UBE2D3: variants seen among roughly 807,000 people sequenced by gnomAD.
UBE2D3 encodes ubiquitin conjugating enzyme E2 D3.
UBE2D3 carries 2 observed loss-of-function variants against 22.8 expected under a neutral mutation model. That is an observed-to-expected ratio of 0.09 (90% CI 0.04 to 0.28). The LOEUF (loss-of-function observed/expected upper bound fraction) is 0.28, where lower values mean the gene tolerates loss of function less well. Ranked by LOEUF, UBE2D3 falls within the 10% of genes least tolerant of loss-of-function variation. UBE2D3 has a pLI of 1.00. For missense variants in UBE2D3, 27 were observed against 182.5 expected, an observed-to-expected ratio of 0.15 and a Z score of 4.91; for synonymous variants, 56 against 60.4, an observed-to-expected ratio of 0.93 and a Z score of 0.34.
chr4:102,851,366 T>C (rs1732337910), intron 1 of UBE2D3, among the ~76,000 whole-genome samples: 1 of 152,202 alleles, frequency 6.6e-6, no homozygotes, highest in South Asian at 2.1e-4. Flanking sequence ...CACTATGTTA[T>C]AAATCTGGGA....
chr4:102,834,982 C>G (rs1309764064), intron 1 of UBE2D3, among the ~76,000 whole-genome samples: 1 of 152,086 alleles, frequency 6.6e-6, no homozygotes, highest in Non-Finnish European at 1.5e-5. Context: ...TTCCCCTTTT[C>G]CATCCATCTC....
chr4:102,802,106 AAAGTG>A, intron 5 of UBE2D3: 1 of 154,606 alleles, frequency 6.5e-6, no homozygotes, highest in African/African-American at 2.4e-5. Context: ...TAATGACTGA[AAAGTG>A]AAGGATAATA....
At chr4:102,837,516 A>AT (rs777065470) in intron 1 of UBE2D3, among the ~76,000 whole-genome samples, 1 of 152,326 alleles carries the variant, frequency 6.6e-6, no homozygotes, top group East Asian at 1.9e-4. Context: ...GCAATAAAGT[A>AT]TTTTTTAATT....
rs1245444276 is a variant in UBE2D3, at chr4:102,825,218, A to G, written c.24+1267T>C. 10 of 985,234 alleles carry G rather than the reference A, an allele frequency of 1.0e-5. No homozygotes were observed. In the East Asian group the frequency reaches 1.0e-3, roughly 100 times the overall value. The allele number at this position is 985,234 out of a possible 1,614,324, so 61.0% of individuals were successfully genotyped here. On this transcript the variant is annotated intron_variant, in intron 2 of 7. Coordinates refer to ENST00000453744, the MANE Select transcript of UBE2D3 (RefSeq NM_181891.3). ...CTTTTTAAAAAAGTAATCTATTAAAACCAAAGTTTCTAACACTCACCGACA... is the reference window on the plus strand; with the variant it reads ...CTTTTTAAAAAAGTAATCTATTAAAGCCAAAGTTTCTAACACTCACCGACA...
intron 1 of UBE2D3, among the ~76,000 whole-genome samples, chr4:102,853,135 A>ATTTTTTTTTTTTT (rs151339235): frequency 3.4e-5 from 3 of 88,596 alleles, no homozygotes; most frequent in Admixed American, 1.5e-4. Context: ...AAACACACAC[A>ATTTTTTTTTTTTT]TTTTTTTTTT....
chr4:102,817,103 T>C (rs1208554005), intron 2 of UBE2D3, among the ~76,000 whole-genome samples: 1 of 152,080 alleles, frequency 6.6e-6, no homozygotes, highest in Non-Finnish European at 1.5e-5. Context: ...GCATTCTAGG[T>C]AGAGAAACTC....
chr4:102,866,606 T>C (rs1331349501), intron 1 of UBE2D3, among the ~76,000 whole-genome samples: 4 of 152,164 alleles, frequency 2.6e-5, no homozygotes, highest in African/African-American at 9.7e-5. Context: ...TGCTTGGAGG[T>C]CTTATTCTTA....
rs77128941 is a variant in UBE2D3, at chr4:102,806,156, T to G, written c.120+3516A>C. Among the ~76,000 whole-genome samples, 523 of 152,298 alleles carry G rather than the reference T, an allele frequency of 3.4e-3. 2 individuals are homozygous for G. Among genetic ancestry groups the G allele is most frequent in the African/African-American group, 0.01 (417 of 41,558 alleles). ...TTTTAAGATAATTCCAACTCCTAAG[T>G]ACATACGGTGCTTTATGATCTGGGT... On this transcript the variant is annotated intron_variant, in intron 4 of 7. Transcript: ENST00000453744.
intron 1 of UBE2D3, among the ~76,000 whole-genome samples, chr4:102,860,840 T>C (rs529869043): frequency 6.6e-6 from 1 of 151,956 alleles, no homozygotes; most frequent in African/African-American, 2.4e-5. Context: ...GGTGGGTGCA[T>C]GGAGTGCTGG....
chr4:102,821,774 ACAC>A (rs1400647498), intron 2 of UBE2D3, among the ~76,000 whole-genome samples: 1 of 152,230 alleles, frequency 6.6e-6, no homozygotes, highest in East Asian at 1.9e-4. Flanking sequence ...ATAAATATAT[ACAC>A]CAACTATGTA....
chr4:102,847,264 T>A (rs1732084545), intron 1 of UBE2D3, among the ~76,000 whole-genome samples: 1 of 152,156 alleles, frequency 6.6e-6, no homozygotes, highest in African/African-American at 2.4e-5. Context: ...AATAGAGTTC[T>A]CATGCTCCAC....
At chr4:102,863,422 C>T (rs1441405065) in intron 1 of UBE2D3, among the ~76,000 whole-genome samples, 1 of 152,094 alleles carries the variant, frequency 6.6e-6, no homozygotes, top group Non-Finnish European at 1.5e-5. Context: ...AGGACTATAC[C>T]AAACCATTCA....
At chr4:102,823,970 T>C (rs1730039412) in intron 2 of UBE2D3, among the ~76,000 whole-genome samples, 1 of 152,232 alleles carries the variant, frequency 6.6e-6, no homozygotes, top group African/African-American at 2.4e-5. Context: ...CTGACATCAA[T>C]GGCTACTTGA....
At chr4:102,825,261 T>A in intron 2 of UBE2D3, 1 of 986,306 alleles carries the variant, frequency 1.0e-6, no homozygotes, top group Non-Finnish European at 1.2e-6. Context: ...ATTTTTCTAG[T>A]AAGGCTGAAT....
chr4:102,813,703 T>A (rs565614752), intron 2 of UBE2D3, among the ~76,000 whole-genome samples: 7 of 152,172 alleles, frequency 4.6e-5, no homozygotes, highest in Non-Finnish European at 8.8e-5. Flanking sequence ...AACACTGGAC[T>A]AATTTAACGC....
intron 2 of UBE2D3, chr4:102,811,956 G>C (rs1728113209): frequency 4.8e-6 from 1 of 210,412 alleles, no homozygotes; most frequent in South Asian, 4.9e-5. Flanking sequence ...TGGTCTACTA[G>C]AACAACTTAT....
At chr4:102,821,298 ATTTAT>A (rs890759120) in intron 2 of UBE2D3, among the ~76,000 whole-genome samples, 1 of 152,150 alleles carries the variant, frequency 6.6e-6, no homozygotes, top group Admixed American at 6.5e-5. Context: ...AGTATAGAAA[ATTTAT>A]TTTAAATACC....
At chr4:102,808,661 A>C (rs1727451908) in intron 4 of UBE2D3, among the ~76,000 whole-genome samples, 1 of 152,152 alleles carries the variant, frequency 6.6e-6, no homozygotes. Flanking sequence ...ACACTTCAGC[A>C]CTTGTTTTAG....
Position 102,797,273 on chromosome 4 carries a change from G to A in UBE2D3, c.*142C>T, listed in dbSNP as rs1725361358. ...AGTCTTCTCAGATGAGCATGTGAATGAATGGAGGGAGGTAAACAAAAAATA... is the reference window on the plus strand; with the variant it reads ...AGTCTTCTCAGATGAGCATGTGAATAAATGGAGGGAGGTAAACAAAAAATA... On this transcript the variant is annotated 3_prime_UTR_variant, in exon 8 of 8. Transcript: ENST00000453744. 3 of 631,392 alleles carry A rather than the reference G, an allele frequency of 4.8e-6. No homozygotes were observed. Among genetic ancestry groups the A allele is most frequent in the Admixed American group, 5.5e-5 (2 of 36,172 alleles). The allele number at this position is 631,392 out of a possible 1,614,324, so 39.1% of individuals were successfully genotyped here. A position where few individuals can be genotyped will look rare whatever the true frequency, so the allele number is the denominator to read the frequency against.
Sources: allele counts gnomAD v4.1 joint callset (sites outside exome capture counted in the v4.1 genomes callset), GRCh38; gene constraint gnomAD v4.1.1; transcripts MANE v1.5; gene names NCBI Gene and HGNC (gene_info 2026-07-23, HGNC 2026-07-21).